DLGAP2: variants seen among roughly 807,000 people sequenced by gnomAD.
DLGAP2 encodes the protein DLG associated protein 2.
Under a neutral mutation model 100.3 loss-of-function variants are expected in DLGAP2, and 26 were observed. The observed-to-expected ratio is 0.26, with a 90% confidence interval of 0.19 to 0.36. DLGAP2 has a LOEUF of 0.36. Ranked by LOEUF, DLGAP2 falls within the 10% of genes least tolerant of loss-of-function variation. The pLI is 1.00. For missense variants in DLGAP2, 1,858 were observed against 1,453.2 expected, an observed-to-expected ratio of 1.28 and a Z score of -4.53; for synonymous variants, 886 against 630.1, an observed-to-expected ratio of 1.41 and a Z score of -6.08.
intron 3 of DLGAP2, among the ~76,000 whole-genome samples, chr8:1,418,166 C>T (rs993535268): frequency 6.6e-6 from 1 of 152,212 alleles, no homozygotes; most frequent in African/African-American, 2.4e-5. Flanking sequence ...CCTTCCGAAC[C>T]ATTTTCAAAG....
Position 1,313,818 on chromosome 8 carries a change from G to A in DLGAP2, c.106+54935G>A, listed in dbSNP as rs987002197. Among the ~76,000 whole-genome samples, 11 of 152,004 alleles carry A rather than the reference G, an allele frequency of 7.2e-5. No homozygotes were observed. The South Asian group carries it at 1.3e-3, about 17-fold the overall frequency. ...GAAGCAAGATCCAAGTTCAGCTGGC[G>A]CCAAAACTGAACCTTGATAACCATC... On this transcript the variant is annotated intron_variant, in intron 3 of 14. Coordinates refer to ENST00000637795, the MANE Select transcript of DLGAP2 (RefSeq NM_001346810.2).
chr8:915,047 C>A (rs867277431), intron 2 of DLGAP2, among the ~76,000 whole-genome samples: 1 of 152,200 alleles, frequency 6.6e-6, no homozygotes, highest in Non-Finnish European at 1.5e-5. Context: ...GGGCACACTG[C>A]CACAGGTTCC....
At chr8:877,433 C>A (rs1331617185) in intron 1 of DLGAP2, among the ~76,000 whole-genome samples, 1 of 152,182 alleles carries the variant, frequency 6.6e-6, no homozygotes, top group African/African-American at 2.4e-5. Context: ...TTGGGTGTGA[C>A]CCCCTTACCT....
At chr8:1,302,368 C>T (rs961140371) in intron 3 of DLGAP2, 5 of 107,390 alleles carry the variant, frequency 4.7e-5, no homozygotes, top group Non-Finnish European at 7.2e-5. Flanking sequence ...TGTGAGTTCC[C>T]GAGCTCTGCT....
intron 1 of DLGAP2, among the ~76,000 whole-genome samples, chr8:853,477 G>C (rs1797218770): frequency 6.6e-6 from 1 of 152,188 alleles, no homozygotes. Context: ...GATGGCTTAG[G>C]TACAGGATGC....
At chr8:1,221,674 G>C (rs1798317165) in intron 2 of DLGAP2, among the ~76,000 whole-genome samples, 1 of 152,144 alleles carries the variant, frequency 6.6e-6, no homozygotes, top group Non-Finnish European at 1.5e-5. Context: ...TTCATGGACA[G>C]CATTCTCAAA....
At chr8:1,430,662 C>T (rs2129985666) in intron 3 of DLGAP2, among the ~76,000 whole-genome samples, 1 of 152,310 alleles carries the variant, frequency 6.6e-6, no homozygotes, top group East Asian at 1.9e-4. Context: ...AGTTTGTGAC[C>T]TGCCTTTCAT....
At chr8:1,583,141 G>A (rs547312415) in intron 6 of DLGAP2, among the ~76,000 whole-genome samples, 1 of 152,300 alleles carries the variant, frequency 6.6e-6, no homozygotes, top group South Asian at 2.1e-4. Context: ...TCTTGTACGG[G>A]AAGAGAAGGG....
chr8:1,094,842 T>G (rs147342315), intron 2 of DLGAP2, among the ~76,000 whole-genome samples: 197 of 152,352 alleles, frequency 1.3e-3, no homozygotes, highest in African/African-American at 4.5e-3. Context: ...ATACAGGGAT[T>G]ATCCAAGCAA....
intron 1 of DLGAP2, among the ~76,000 whole-genome samples, chr8:772,684 G>C (rs552173807): frequency 6.6e-6 from 1 of 152,290 alleles, no homozygotes; most frequent in East Asian, 1.9e-4. Flanking sequence ...AAAAGTATTT[G>C]AGACACTTGC....
chr8:1,353,079 G>T (rs995286790), intron 3 of DLGAP2, among the ~76,000 whole-genome samples: 1 of 152,154 alleles, frequency 6.6e-6, no homozygotes, highest in East Asian at 1.9e-4. Flanking sequence ...AGCAAGAAAC[G>T]ACGAAGGACC....
intron 1 of DLGAP2, among the ~76,000 whole-genome samples, chr8:806,173 T>G (rs1483295134): frequency 6.6e-6 from 1 of 152,180 alleles, no homozygotes; most frequent in Non-Finnish European, 1.5e-5. Context: ...ACTAATCGGA[T>G]TGACTTGGTT....
At chr8:1,686,493 C>G (rs576874297) in intron 12 of DLGAP2, among the ~76,000 whole-genome samples, 17 of 152,250 alleles carry the variant, frequency 1.1e-4, no homozygotes, top group Admixed American at 6.5e-4. Flanking sequence ...CATGGTGAAA[C>G]CCTGTCTCAA....
At chr8:873,069 A>G (rs1005301287) in intron 1 of DLGAP2, among the ~76,000 whole-genome samples, 11 of 152,212 alleles carry the variant, frequency 7.2e-5, no homozygotes, top group African/African-American at 2.4e-4. Context: ...GATTCTTTAT[A>G]TTGACCACAC....
At chr8:1,257,654 G>A (rs894504365) in intron 2 of DLGAP2, among the ~76,000 whole-genome samples, 2 of 152,198 alleles carry the variant, frequency 1.3e-5, no homozygotes, top group African/African-American at 4.8e-5. Flanking sequence ...TAGCTGACGT[G>A]GAAGAGCCAG....
At chr8:1,504,836 G>T (rs552743968) in intron 4 of DLGAP2, among the ~76,000 whole-genome samples, 2 of 152,180 alleles carry the variant, frequency 1.3e-5, no homozygotes, top group South Asian at 4.1e-4. Flanking sequence ...TAACGAACAC[G>T]AGAGAGCAGA....
At chr8:1,483,011 C>T (rs543104773) in intron 3 of DLGAP2, among the ~76,000 whole-genome samples, 2 of 152,364 alleles carry the variant, frequency 1.3e-5, no homozygotes, top group African/African-American at 4.8e-5. Context: ...TTCTTCCCTC[C>T]GGCACTGCCT....
At chr8:1,436,120 T>C (rs979945069) in intron 3 of DLGAP2, among the ~76,000 whole-genome samples, 14 of 152,198 alleles carry the variant, frequency 9.2e-5, no homozygotes, top group East Asian at 1.9e-4. Context: ...TTGAGGAGAA[T>C]TGACTCACAA....
chr8:1,626,756 G>C lies in DLGAP2; in HGVS notation c.1459G>C (p.Ala487Pro). The C allele has an allele frequency of 6.2e-7, 1 of 1,603,314 alleles. No homozygotes were observed. The highest frequency in any genetic ancestry group is 8.5e-7 in the Non-Finnish European group (1 of 1,175,298). The part of the protein sequence containing the change: ...GEHQTQTYLQ[A>P]ASDVPVGHSL... The stretch of plus-strand genomic sequence containing the variant: ...TTCCTGTAGCCAGACCTACCTGCAA[G>C]CTGCAAGCGATGTGCCTGTGGGACA... The change falls in exon 7 of 15, where the codon GCT becomes CCT. Residue 487 changes from alanine (A) to proline (P), a missense_variant. Physicochemically the swap from Ala to Pro is conservative, Grantham distance 27 (BLOSUM62 -1). Coordinates refer to ENST00000637795, the MANE Select transcript of DLGAP2 (RefSeq NM_001346810.2).
Sources: allele counts gnomAD v4.1 joint callset (sites outside exome capture counted in the v4.1 genomes callset), GRCh38; gene constraint gnomAD v4.1.1; transcripts MANE v1.5; gene names NCBI Gene and HGNC (gene_info 2026-07-23, HGNC 2026-07-21).